TAF4: variants seen among roughly 807,000 people sequenced by gnomAD.
The protein encoded by TAF4 is transcription initiation factor TFIID subunit 4.
TAF4 carries 9 observed loss-of-function variants against 90.3 expected under a neutral mutation model. That is an observed-to-expected ratio of 0.10 (90% confidence interval 0.06 to 0.17). TAF4 has a LOEUF of 0.17. TAF4 is among the 10% of genes least tolerant of loss of function. The pLI, the probability that TAF4 is intolerant of heterozygous loss-of-function variation, is 1.00. For synonymous variants in TAF4, 818 were observed against 638.9 expected, an observed-to-expected ratio of 1.28 and a Z score of -4.23; for missense variants, 1,351 against 1,370.7, an observed-to-expected ratio of 0.99 and a Z score of 0.23.
chr20:62,064,049 G>C (rs1251269693), intron 1 of TAF4, among the ~76,000 whole-genome samples: 1 of 152,208 alleles, frequency 6.6e-6, no homozygotes, highest in Non-Finnish European at 1.5e-5. Context: ...CACAGCCCCA[G>C]GTACTGCCCT....
At chr20:62,039,443 G>C (rs2055951678) in intron 1 of TAF4, among the ~76,000 whole-genome samples, 1 of 152,152 alleles carries the variant, frequency 6.6e-6, no homozygotes, top group Admixed American at 6.5e-5. Flanking sequence ...AAATTAACTT[G>C]AATTGGGTTG....
intron 14 of TAF4, among the ~76,000 whole-genome samples, chr20:61,983,923 T>C (rs368555576): frequency 1.5e-4 from 23 of 152,218 alleles, no homozygotes; most frequent in East Asian, 1.4e-3. Context: ...GTCTGACGTG[T>C]GACAAAGACA....
chr20:62,055,830 G>GC (rs370972336), intron 1 of TAF4, among the ~76,000 whole-genome samples: 6 of 152,250 alleles, frequency 3.9e-5, no homozygotes, highest in African/African-American at 1.4e-4. Context: ...TAACTGCCTG[G>GC]CCCCCACAAC....
At chr20:61,984,040 C>T (rs149725040) in intron 14 of TAF4, among the ~76,000 whole-genome samples, 4 of 152,294 alleles carry the variant, frequency 2.6e-5, no homozygotes, top group Non-Finnish European at 5.9e-5. Flanking sequence ...GCAGGAGATG[C>T]GACGAGACAG....
intron 14 of TAF4, 23 bp from the exon 15 acceptor site, chr20:61,976,358 CAG>C (rs1568918233): frequency 6.2e-7 from 1 of 1,611,798 alleles, no homozygotes; most frequent in South Asian, 1.1e-5. Context: ...AAGGAGAAGA[CAG>C]TGTGTTAGTG....
chr20:61,996,329 G>A (rs1379507259), intron 14 of TAF4, among the ~76,000 whole-genome samples: 1 of 151,856 alleles, frequency 6.6e-6, no homozygotes, highest in African/African-American at 2.4e-5. Context: ...GCTACAGTGA[G>A]CCATGATCGT....
Position 62,065,454 on chromosome 20 carries a change from G to T in TAF4, c.357C>A (p.Pro119=), listed in dbSNP as rs1248578372. ...GCCTCAGCTTCGCGGCGGGCGGCGC[G>T]GGCCCTGCGGGGACAAGGGGGCGGC... The part of the protein sequence containing the change: ...SPRRPLVPAG[P]APPAAKLRPP... Residue 119 remains proline, a synonymous_variant, in exon 1 of 15, where the codon CCC becomes CCA. Transcript: ENST00000252996. The T allele has an allele frequency of 3.5e-5, 34 of 976,826 alleles. No individual in the cohort carries two copies. Among genetic ancestry groups the T allele is most frequent in the Non-Finnish European group, 3.8e-5 (31 of 825,496 alleles). The allele number at this position is 976,826 out of a possible 1,614,324, so 60.5% of individuals were successfully genotyped here. A position where few individuals can be genotyped will look rare whatever the true frequency, so the allele number is the denominator to read the frequency against.
At chr20:61,981,138 CG>C (rs1361694575) in intron 14 of TAF4, 2 of 152,316 alleles carry the variant, frequency 1.3e-5, no homozygotes, top group Non-Finnish European at 2.9e-5. Context: ...AGCAAGGACC[CG>C]CTCAAGACCT....
intron 1 of TAF4, among the ~76,000 whole-genome samples, chr20:62,054,622 A>ACC (rs1487944086): frequency 3.3e-5 from 5 of 151,888 alleles, no homozygotes; most frequent in Admixed American, 1.3e-4. Context: ...AGGCTCCTGC[A>ACC]CCCAGGTGTC....
At chr20:62,035,102 G>A (rs1000382541) in intron 1 of TAF4, among the ~76,000 whole-genome samples, 1 of 152,176 alleles carries the variant, frequency 6.6e-6, no homozygotes, top group East Asian at 1.9e-4. Flanking sequence ...TTACAGGCGT[G>A]AGCCACCGCA....
At chr20:62,063,549 G>C (rs977898438) in intron 1 of TAF4, among the ~76,000 whole-genome samples, 2 of 152,164 alleles carry the variant, frequency 1.3e-5, no homozygotes, top group African/African-American at 4.8e-5. Flanking sequence ...CAGCAGACTA[G>C]ACAGGAGCGT....
intron 7 of TAF4, chr20:62,004,644 G>C (rs1299864999): frequency 1.3e-5 from 2 of 152,168 alleles, no homozygotes; most frequent in African/African-American, 4.8e-5. Flanking sequence ...TGAATTTTCT[G>C]TAAGGCGGCT....
chr20:61,995,353 A>G (rs1449890977), intron 14 of TAF4, among the ~76,000 whole-genome samples: 2 of 152,252 alleles, frequency 1.3e-5, no homozygotes, highest in African/African-American at 4.8e-5. Context: ...TAGAATTGCA[A>G]AATAAGTTAA....
At chr20:61,987,655 G>C (rs1322709449) in intron 14 of TAF4, among the ~76,000 whole-genome samples, 1 of 152,240 alleles carries the variant, frequency 6.6e-6, no homozygotes, top group Non-Finnish European at 1.5e-5. Context: ...CTGGAAGACA[G>C]TCTGGCGGTT....
At chr20:62,028,453 T>C (rs150786073) in intron 1 of TAF4, among the ~76,000 whole-genome samples, 1 of 152,204 alleles carries the variant, frequency 6.6e-6, no homozygotes, top group East Asian at 1.9e-4. Flanking sequence ...TGACAGGACA[T>C]GAAACCCACG....
intron 14 of TAF4, among the ~76,000 whole-genome samples, chr20:61,982,388 CA>C (rs1229935463): frequency 7.1e-6 from 1 of 140,196 alleles, no homozygotes; most frequent in African/African-American, 2.7e-5. Flanking sequence ...GAAGAGACAC[CA>C]AAACCCACAC....
chr20:61,989,722 C>T (rs1380897622), intron 14 of TAF4, among the ~76,000 whole-genome samples: 2 of 150,256 alleles, frequency 1.3e-5, no homozygotes, highest in Admixed American at 6.6e-5. Context: ...TGAGGGATCC[C>T]GGCACCCACA....
At chr20:61,998,318 G>A in intron 12 of TAF4, 126 bp from the exon 13 acceptor site, 2 of 980,174 alleles carry the variant, frequency 2.0e-6, no homozygotes, top group Non-Finnish European at 2.9e-6. Flanking sequence ...TAGCAAATTT[G>A]TGAAATGCTT....
chr20:62,000,697 A>T lies in TAF4; in HGVS notation c.2511T>A (p.Val837=). Residue 837 remains valine, a synonymous_variant, in exon 10 of 15, where the codon GTT becomes GTA. Coordinates refer to ENST00000252996, the MANE Select transcript of TAF4 (RefSeq NM_003185.4). ...SFRDDDDIND[V]ASMAGVNLSE... Reference sequence around the variant, plus strand: ...ACAAGTTTACTCCAGCCATCGATGCAACATCATTAATGTCATCATCGTCCC... The same window carrying T: ...ACAAGTTTACTCCAGCCATCGATGCTACATCATTAATGTCATCATCGTCCC... 6.2e-7 allele frequency: 1 copy of T among 1,614,246 alleles called. No individual in the cohort carries two copies. Among genetic ancestry groups the T allele is most frequent in the Non-Finnish European group, 8.5e-7 (1 of 1,180,046 alleles).
Sources: gnomAD v4.1 joint callset for allele counts (sites outside exome capture counted in the v4.1 genomes callset) on GRCh38, gnomAD v4.1.1 for gene constraint, MANE v1.5 for transcripts, NCBI Gene and HGNC (gene_info 2026-07-23, HGNC 2026-07-21) for gene names.